The following CSMD1 variants were observed in gnomAD, a reference collection of about 807,000 sequenced individuals.
CSMD1 encodes CUB and sushi domain-containing protein 1.
Under a neutral mutation model 417.5 loss-of-function variants are expected in CSMD1, and 213 were observed. The ratio of observed to expected loss-of-function variants is 0.51; its 90% CI spans 0.46 to 0.57. The LOEUF is 0.57. CSMD1 is among the 20% of genes least tolerant of loss of function. The probability of loss-of-function intolerance (pLI) is 0.00; values close to 1 mark genes in which losing one functional copy is unlikely to be tolerated. For synonymous variants in CSMD1, 2,862 were observed against 1,736.8 expected (o/e 1.65, Z -16.11); for missense variants, 6,923 against 4,529.7 (o/e 1.53, Z -15.17).
At chr8:4,501,260 T>C (rs1157547821) in intron 2 of CSMD1, among the ~76,000 whole-genome samples, 1 of 152,156 alleles carries the variant, frequency 6.6e-6, no homozygotes, top group Non-Finnish European at 1.5e-5. Context: ...CTAGATAGTT[T>C]ATTCATATTG....
chr8:3,735,596 C>G (rs1219164766), intron 6 of CSMD1, among the ~76,000 whole-genome samples: 1 of 152,212 alleles, frequency 6.6e-6, no homozygotes, highest in Admixed American at 6.5e-5. Context: ...TCTGACTTCA[C>G]TACTCATTTA....
chr8:3,367,850 A>G (rs563804194), intron 19 of CSMD1, among the ~76,000 whole-genome samples: 1 of 152,286 alleles, frequency 6.6e-6, no homozygotes, highest in South Asian at 2.1e-4. Context: ...GTTTCATTTA[A>G]AAATTGTCAG....
intron 6 of CSMD1, among the ~76,000 whole-genome samples, chr8:3,722,177 C>G (rs1041027917): frequency 4.6e-5 from 7 of 152,218 alleles, no homozygotes; most frequent in African/African-American, 1.4e-4. Flanking sequence ...GGCATGGTGG[C>G]TGGCACCTGC....
intron 3 of CSMD1, among the ~76,000 whole-genome samples, chr8:4,044,042 A>C (rs1425556441): frequency 6.6e-6 from 1 of 152,086 alleles, no homozygotes; most frequent in Non-Finnish European, 1.5e-5. Context: ...AAAACGCTGA[A>C]TAATTAGGAG....
At chr8:4,292,345 G>C (rs1263315757) in intron 3 of CSMD1, among the ~76,000 whole-genome samples, 3 of 151,832 alleles carry the variant, frequency 2.0e-5, no homozygotes, top group Non-Finnish European at 2.9e-5. Context: ...CTCTGCCTCC[G>C]GGGTTCACGC....
In CSMD1 at chr8:3,348,085, G is replaced by C. The variant is rs1456646245; in HGVS notation, c.3381C>G (p.Asn1127Lys). ...TTTCTATTTTATAGATACACTCATG[G>C]TTATTATCATAATTGGATGGAAAAT... is the stretch of plus-strand genomic sequence containing the variant. The part of the protein sequence containing the change: ...SPNFPSNYDN[N>K]HECIYKIETE... Residue 1127 changes from asparagine (N) to lysine (K), a missense_variant, in exon 22 of 70, where the codon AAC (asparagine) becomes AAG (lysine). Physicochemically the swap from Asn to Lys is moderately conservative, Grantham distance 94 (BLOSUM62 0). Transcript: ENST00000635120. 4 of 1,612,474 alleles carry C rather than the reference G, an allele frequency of 2.5e-6. No homozygotes were observed. The highest frequency in any genetic ancestry group is 3.4e-6 in the Non-Finnish European group (4 of 1,178,974).
At chr8:4,830,814 G>C (rs1229939902) in intron 1 of CSMD1, among the ~76,000 whole-genome samples, 4 of 152,302 alleles carry the variant, frequency 2.6e-5, no homozygotes, top group South Asian at 2.1e-4. Flanking sequence ...GGTTAATGTG[G>C]AATGAGCAGG....
chr8:3,144,986 G>A (rs2129032861), intron 40 of CSMD1, among the ~76,000 whole-genome samples: 1 of 152,172 alleles, frequency 6.6e-6, no homozygotes, highest in Middle Eastern at 3.4e-3. Flanking sequence ...TTGGCGGTAT[G>A]CCCACAAATC....
chr8:3,631,635 C>T (rs17066695), intron 7 of CSMD1, among the ~76,000 whole-genome samples: 17,774 of 152,172 alleles, frequency 0.12, 1,190 homozygotes, highest in African/African-American at 0.17. Flanking sequence ...CTGAAGATCA[C>T]TGGTGATTTT....
chr8:2,955,310 C>CT (rs1295955315), intron 64 of CSMD1, among the ~76,000 whole-genome samples: 4 of 152,170 alleles, frequency 2.6e-5, no homozygotes, highest in Non-Finnish European at 5.9e-5. Context: ...AACCAAATAG[C>CT]TTTTCTCTTT....
At chr8:3,106,900 G>T (rs1484023560) in intron 45 of CSMD1, 5 of 328,756 alleles carry the variant, frequency 1.5e-5, no homozygotes, top group African/African-American at 2.1e-5. Flanking sequence ...CATCCGTGTT[G>T]GTTTCCCTTC....
At chr8:4,954,155 C>G (rs922104975) in intron 1 of CSMD1, among the ~76,000 whole-genome samples, 1 of 152,022 alleles carries the variant, frequency 6.6e-6, no homozygotes, top group African/African-American at 2.4e-5. Context: ...AAATAAGAAC[C>G]AACTATTTGC....
chr8:3,498,325 A>G (rs887764877), intron 10 of CSMD1, among the ~76,000 whole-genome samples: 1 of 152,230 alleles, frequency 6.6e-6, no homozygotes, highest in East Asian at 1.9e-4. Context: ...ATACATGTAT[A>G]CAAAGTTTAA....
intron 5 of CSMD1, among the ~76,000 whole-genome samples, chr8:3,908,899 G>T (rs1326290277): frequency 2.0e-5 from 3 of 152,188 alleles, no homozygotes; most frequent in Non-Finnish European, 4.4e-5. Flanking sequence ...CTAAGAGGAA[G>T]ATCACTCATG....
At chr8:4,400,761 G>GTT (rs11439463) in intron 3 of CSMD1, among the ~76,000 whole-genome samples, 5,860 of 139,348 alleles carry the variant, frequency 0.042, 285 homozygotes, top group African/African-American at 0.13. Flanking sequence ...ATACAGATCA[G>GTT]TTTTTTTTTT....
At chr8:3,117,738 C>G (rs1816954658) in intron 42 of CSMD1, among the ~76,000 whole-genome samples, 1 of 152,102 alleles carries the variant, frequency 6.6e-6, no homozygotes, top group Non-Finnish European at 1.5e-5. Context: ...CTAAAGAGAC[C>G]AGGTCCTCTG....
intron 3 of CSMD1, among the ~76,000 whole-genome samples, chr8:4,076,438 T>G (rs551810975): frequency 6.6e-6 from 1 of 152,296 alleles, no homozygotes; most frequent in African/African-American, 2.4e-5. Context: ...CTTTCTCTGG[T>G]TTATGGAATA....
intron 1 of CSMD1, among the ~76,000 whole-genome samples, chr8:4,688,029 T>G (rs1344963695): frequency 6.6e-6 from 1 of 152,188 alleles, no homozygotes; most frequent in Non-Finnish European, 1.5e-5. Context: ...ACTGTTCCAT[T>G]TTTAGATGAT....
intron 1 of CSMD1, among the ~76,000 whole-genome samples, chr8:4,928,914 T>C (rs11136795): frequency 0.022 from 3,282 of 151,908 alleles, 85 homozygotes; most frequent in African/African-American, 0.064. Context: ...ACTAAAAATA[T>C]AAAAAATTTA....
Sources: allele counts gnomAD v4.1 joint callset (sites outside exome capture counted in the v4.1 genomes callset), GRCh38; gene constraint gnomAD v4.1.1; transcripts MANE v1.5; gene names NCBI Gene and HGNC (gene_info 2026-07-23, HGNC 2026-07-21).